The following DTHD1 variants were observed in gnomAD, a reference collection of about 807,000 sequenced individuals.
The protein encoded by DTHD1 is death domain containing 1.
In DTHD1, 59 loss-of-function variants were observed where a neutral mutation model predicts 74.8. The observed-to-expected ratio is 0.79, with a 90% CI of 0.64 to 0.98. DTHD1 has a LOEUF of 0.98. Ranked by LOEUF, DTHD1 falls within the 50% of genes least tolerant of loss-of-function variation. DTHD1 has a pLI of 0.00. For synonymous variants in DTHD1, 365 were observed against 371.1 expected (o/e 0.98, Z 0.19); for missense variants, 1,051 against 1,065.4 (o/e 0.99, Z 0.19).
At chr4:36,291,941 C>A (rs1046589890) in intron 3 of DTHD1, among the ~76,000 whole-genome samples, 2 of 151,982 alleles carry the variant, frequency 1.3e-5, no homozygotes, top group African/African-American at 4.8e-5. Flanking sequence ...TCTTTTTCAG[C>A]TTTATGTAAG....
chr4:36,294,678 C>A, intron 4 of DTHD1, 117 bp from the exon 5 acceptor site: 1 of 934,108 alleles, frequency 1.1e-6, no homozygotes, highest in Non-Finnish European at 1.5e-6. Flanking sequence ...ACTAACAATA[C>A]ATAGAGAAAT....
chr4:36,327,135 T>C (rs981191516), intron 8 of DTHD1, among the ~76,000 whole-genome samples: 2 of 151,902 alleles, frequency 1.3e-5, no homozygotes, highest in African/African-American at 4.8e-5. Context: ...CCTGACTAAT[T>C]TTTGTGTTTT....
chr4:36,301,572 GTC>G (rs754080448), intron 5 of DTHD1, among the ~76,000 whole-genome samples: 4 of 152,146 alleles, frequency 2.6e-5, no homozygotes, highest in Non-Finnish European at 4.4e-5. Flanking sequence ...CTCCACATTT[GTC>G]TGTTTGCCCC....
At chr4:36,314,069 GTT>G (rs375245524) in intron 7 of DTHD1, among the ~76,000 whole-genome samples, 7 of 139,020 alleles carry the variant, frequency 5.0e-5, no homozygotes, top group East Asian at 2.1e-4. Context: ...CTAGGAATCT[GTT>G]TTTTTTTTTT....
intron 5 of DTHD1, among the ~76,000 whole-genome samples, chr4:36,297,216 A>G (rs901763156): frequency 6.6e-6 from 1 of 152,188 alleles, no homozygotes; most frequent in African/African-American, 2.4e-5. Context: ...GTGCACAAGC[A>G]CACCTACAGA....
intron 2 of DTHD1, among the ~76,000 whole-genome samples, chr4:36,288,028 T>C (rs1280022986): frequency 6.6e-6 from 1 of 152,198 alleles, no homozygotes; most frequent in East Asian, 1.9e-4. Context: ...CATTTGCTTT[T>C]GGGTTCTTGG....
At chr4:36,316,147 G>T (rs1757709973) in intron 7 of DTHD1, 95 bp from the exon 8 acceptor site, 1 of 1,161,824 alleles carries the variant, frequency 8.6e-7, no homozygotes. Context: ...ATGTTAGCCA[G>T]GATGGTCTCG....
chr4:36,283,943 T>C (rs1350033394), intron 1 of DTHD1, 33 bp from the exon 2 acceptor site: 2 of 1,416,056 alleles, frequency 1.4e-6, no homozygotes, highest in East Asian at 5.0e-5. Flanking sequence ...AGTTTTGTAT[T>C]TATTCTTTGT....
chr4:36,339,663 C>G (rs1429796228), intron 9 of DTHD1, among the ~76,000 whole-genome samples: 1 of 152,146 alleles, frequency 6.6e-6, no homozygotes, highest in African/African-American at 2.4e-5. Context: ...GAATTGGAAA[C>G]TTTTATTCTA....
At chr4:36,329,358 T>C (rs1758535092) in intron 8 of DTHD1, among the ~76,000 whole-genome samples, 3 of 152,196 alleles carry the variant, frequency 2.0e-5, no homozygotes, top group African/African-American at 4.8e-5. Context: ...TTGAATACTT[T>C]GCCACTTCTG....
In DTHD1 at chr4:36,343,645, A is replaced by T. The variant is rs565316336; in HGVS notation, c.2542A>T (p.Ile848Phe). 3.6e-5 allele frequency: 56 copies of T among 1,551,910 alleles called. 1 individual carries two copies. The South Asian group carries it at 5.9e-4, about 16-fold the overall frequency. The stretch of plus-strand genomic sequence containing the variant: ...GAACCCTGATGATCTCACAGAACAG[A>T]TCCACGAGTTTCTTTGCTTCTGGAA... ...LKNPDDLTEQ[I>F]HEFLCFWKKS... The change falls in exon 10 of 10, where the codon ATC (isoleucine) becomes TTC (phenylalanine). Residue 848 changes from isoleucine (I) to phenylalanine (F), a missense_variant. By Grantham distance (21) the Ile-to-Phe change is conservative. Transcript: ENST00000639862.
chr4:36,323,039 T>A (rs1413942286), intron 8 of DTHD1, among the ~76,000 whole-genome samples: 7 of 152,194 alleles, frequency 4.6e-5, no homozygotes, highest in Admixed American at 4.6e-4. Context: ...AGAGGTTTTG[T>A]TTTGAAGGAA....
chr4:36,328,618 C>G (rs921272780), intron 8 of DTHD1, among the ~76,000 whole-genome samples: 1 of 152,098 alleles, frequency 6.6e-6, no homozygotes, highest in Non-Finnish European at 1.5e-5. Flanking sequence ...TGTCTAGTAC[C>G]CTGGTTTGTG....
intron 8 of DTHD1, among the ~76,000 whole-genome samples, chr4:36,338,274 AATTGTCCC>A (rs1759122730): frequency 6.6e-6 from 1 of 152,186 alleles, no homozygotes. Context: ...GGCCCTTGCA[AATTGTCCC>A]ATGTATCAAT....
At chr4:36,343,357 T>C (rs1396337953) in intron 9 of DTHD1, 145 bp from the exon 10 acceptor site, 1 of 676,538 alleles carries the variant, frequency 1.5e-6, no homozygotes, top group Non-Finnish European at 2.4e-6. Flanking sequence ...TTTTGATTGT[T>C]GCTCCAGGTA....
In DTHD1 at chr4:36,284,024, GGAGCACTGCTGCACTTCTAAA is replaced by G; in HGVS notation, c.323_343del (p.Ser108_Lys114del). ...CTCATAAAAATAACTGAACATTTGG[GGAGCACTGCTGCACTTCTAAA>G]GAAAGAAGAAAAGGAGATTTGTAAT... On this transcript the variant is annotated inframe_deletion, in exon 2 of 10. Transcript: ENST00000639862. The G allele has an allele frequency of 2.6e-6, 4 of 1,537,044 alleles. No individual in the cohort carries two copies. Among genetic ancestry groups the G allele is most frequent in the Non-Finnish European group, 3.5e-6 (4 of 1,146,832 alleles).
intron 7 of DTHD1, among the ~76,000 whole-genome samples, chr4:36,310,398 C>T (rs897831058): frequency 1.3e-5 from 2 of 152,300 alleles, no homozygotes; most frequent in Admixed American, 6.5e-5. Context: ...GCCATCACAA[C>T]AATTTCTTTT....
chr4:36,341,411 A>G (rs1295421993), intron 9 of DTHD1, among the ~76,000 whole-genome samples: 1 of 152,218 alleles, frequency 6.6e-6, no homozygotes, highest in Non-Finnish European at 1.5e-5. Flanking sequence ...ATGAAAACAA[A>G]GTTAGGAGAA....
At chr4:36,301,536 T>A (rs913171050) in intron 5 of DTHD1, among the ~76,000 whole-genome samples, 4 of 152,178 alleles carry the variant, frequency 2.6e-5, no homozygotes, top group African/African-American at 9.7e-5. Flanking sequence ...ATGTTCCAAT[T>A]TGAGACAGAG....
Sources: allele counts gnomAD v4.1 joint callset (sites outside exome capture counted in the v4.1 genomes callset), GRCh38; gene constraint gnomAD v4.1.1; transcripts MANE v1.5; gene names NCBI Gene and HGNC (gene_info 2026-07-23, HGNC 2026-07-21).